TBC1D2: variants seen among roughly 807,000 people sequenced by gnomAD.
The protein encoded by TBC1D2 is TBC1 domain family member 2, also known as TBC1 domain family member 2A.
TBC1D2 carries 58 observed loss-of-function variants against 91.1 expected under a neutral mutation model. The ratio of observed to expected loss-of-function variants is 0.64; its 90% CI spans 0.52 to 0.79. The LOEUF (loss-of-function observed/expected upper bound fraction) is 0.79. Among genes scored for constraint, TBC1D2 ranks in the 30% least tolerant of loss-of-function variants. TBC1D2 has a pLI of 0.00. For synonymous variants in TBC1D2, 482 were observed against 511.5 expected, an observed-to-expected ratio of 0.94 and a Z score of 0.78; for missense variants, 1,080 against 1,208.3, an observed-to-expected ratio of 0.89 and a Z score of 1.57.
At chr9:98,220,112 T>C (rs1166146826) in intron 6 of TBC1D2, among the ~76,000 whole-genome samples, 1 of 151,912 alleles carries the variant, frequency 6.6e-6, no homozygotes, top group African/African-American at 2.4e-5. Context: ...GGAGCAGGGA[T>C]GGTGGCAGCA....
Position 98,213,135 on chromosome 9 carries a change from A to C in TBC1D2, c.1458T>G (p.Ala486=). ...HQVTKIWRKV[A]EKEKALLTKC... ...TCGTCAGAAGGGCCTTCTCCTTCTC[A>C]GCCACCTTTCTCCAGATCTTTGTGA... The change falls in exon 7 of 13, where the codon GCT becomes GCG. Residue 486 remains alanine, a synonymous_variant. Transcript: ENST00000465784. 6.2e-7 allele frequency: 1 copy of C among 1,614,112 alleles called. No homozygotes were observed. Among genetic ancestry groups the C allele is most frequent in the Non-Finnish European group, 8.5e-7 (1 of 1,180,022 alleles).
At position 98,250,688 on chromosome 9, in the gene TBC1D2, T is replaced by C. The variant is rs190599787; in HGVS notation, c.511+1097A>G. The stretch of plus-strand genomic sequence containing the variant: ...CACCCAGGTACAGAGGTCCAGGGGG[T>C]ACTTGGTAACAAGTCCTGCCCTTGC... On this transcript the variant is annotated intron_variant, in intron 2 of 12. Transcript: ENST00000465784. 4.6e-5 allele frequency among the ~76,000 whole-genome samples: 7 copies of C among 152,176 alleles called. No homozygotes were observed. The East Asian group carries it at 1.4e-3, about 29-fold the overall frequency.
chr9:98,212,634 C>T (rs1211802264), intron 7 of TBC1D2, among the ~76,000 whole-genome samples: 3 of 152,192 alleles, frequency 2.0e-5, no homozygotes, highest in Admixed American at 6.5e-5. Flanking sequence ...CCCGGGTGGC[C>T]GGGACTGCAG....
chr9:98,208,667 C>A lies in TBC1D2; in HGVS notation c.2150+1G>T, dbSNP rs772797584. The A allele has an allele frequency of 4.0e-6, 6 of 1,517,272 alleles. No individual in the cohort carries two copies. Among genetic ancestry groups the A allele is most frequent in the South Asian group, 2.6e-5 (2 of 76,230 alleles). The allele number at this position is 1,517,272 out of a possible 1,614,324, so 94.0% of individuals were successfully genotyped here. A position where few individuals can be genotyped will look rare whatever the true frequency, so the allele number is the denominator to read the frequency against. On this transcript the variant is annotated splice_donor_variant, in intron 9 of 12. Coordinates refer to ENST00000465784, the MANE Select transcript of TBC1D2 (RefSeq NM_001267571.2). LOFTEE classifies it high-confidence loss of function. ...ACCTTCACTGGGCTTTGGTGGCTTA[C>A]CTGTTCAGGCCCTGGCAGTAGCCGA...
chr9:98,251,755 G>C, intron 2 of TBC1D2, 30 bp downstream of exon 2: 1 of 1,544,794 alleles, frequency 6.5e-7, no homozygotes, highest in Non-Finnish European at 8.7e-7. Context: ...AGCCCTGGGT[G>C]TGCAGGCAGG....
At chr9:98,203,740 A>G (rs907504831) in intron 9 of TBC1D2, among the ~76,000 whole-genome samples, 1 of 152,064 alleles carries the variant, frequency 6.6e-6, no homozygotes, top group Non-Finnish European at 1.5e-5. Context: ...CATAATAATC[A>G]CAGGACTATT....
rs1829711032 is a variant in TBC1D2, at chr9:98,244,080, G to A, written c.561C>T (p.Pro187=). Residue 187 remains proline (P), a synonymous_variant, in exon 3 of 13, where the codon CCC becomes CCT. Transcript: ENST00000465784. The part of the protein sequence containing the change: ...LEEFLCPVKT[P]PGLVGVAAAL... ...CAGCTGCCACGCCCACTAGCCCAGG[G>A]GGTGTTTTCACAGGGCACAGGAACT... 6.2e-7 allele frequency: 1 copy of A among 1,613,256 alleles called. No individual in the cohort carries two copies. The highest frequency in any genetic ancestry group is 1.7e-5 in the Admixed American group (1 of 59,856).
chr9:98,210,710 A>G lies in TBC1D2; in HGVS notation c.1619T>C (p.Leu540Pro). The G allele has an allele frequency of 6.2e-7, 1 of 1,601,680 alleles. No individual in the cohort carries two copies. The change falls in exon 8 of 13, where the codon CTG becomes CCG. Residue 540 changes from leucine (L) to proline (P), a missense_variant. By Grantham distance (98) the Leu-to-Pro change is moderately conservative. Coordinates refer to ENST00000465784, the MANE Select transcript of TBC1D2 (RefSeq NM_001267571.2). Reference protein sequence around the residue: ...ELLRQLVQEALQWEAGEASSD... With the variant: ...ELLRQLVQEAPQWEAGEASSD... ...TGAGGCCTCCCCAGCTTCCCACTGC[A>G]GTGCCTCCTGGACAAGCTGCCTCAG...
chr9:98,226,903 C>A (rs1564248114), intron 5 of TBC1D2, among the ~76,000 whole-genome samples: 1 of 152,218 alleles, frequency 6.6e-6, no homozygotes, highest in Non-Finnish European at 1.5e-5. Context: ...ATGAGTCCTC[C>A]AGAGATGCAG....
At chr9:98,211,669 T>G (rs1230790131) in intron 7 of TBC1D2, among the ~76,000 whole-genome samples, 2 of 152,106 alleles carry the variant, frequency 1.3e-5, no homozygotes, top group African/African-American at 4.8e-5. Flanking sequence ...GGTCGCCATC[T>G]CCAAACACTT....
chr9:98,235,128 G>A (rs935314948), intron 3 of TBC1D2: 8 of 229,100 alleles, frequency 3.5e-5, no homozygotes, highest in African/African-American at 4.6e-5. Context: ...GCTTGAACCC[G>A]GGAGGCGGAG....
At chr9:98,213,303 A>G (rs951582882) in intron 6 of TBC1D2, 85 bp from the exon 7 acceptor site, 2 of 1,564,096 alleles carry the variant, frequency 1.3e-6, no homozygotes, top group Non-Finnish European at 1.7e-6. Context: ...TGAGCCCCCA[A>G]AGCTTCTTTT....
At chr9:98,241,045 A>G (rs533358205) in intron 3 of TBC1D2, among the ~76,000 whole-genome samples, 1 of 152,318 alleles carries the variant, frequency 6.6e-6, no homozygotes, top group East Asian at 1.9e-4. Flanking sequence ...GGGATGTCAA[A>G]CATATCCATA....
chr9:98,221,040 T>G lies in TBC1D2; in HGVS notation c.1167A>C (p.Thr389=). Residue 389 remains threonine, a synonymous_variant, in exon 6 of 13, where the codon ACA becomes ACC. Coordinates refer to ENST00000465784, the MANE Select transcript of TBC1D2 (RefSeq NM_001267571.2). ...LEQERESLAH[T]ASLREQQVQE... ...GCACCTGCTGCTCCCGCAGGCTCGC[T>G]GTGTGCGCCAGGCTCTCCCGCTCCT... is the stretch of plus-strand genomic sequence containing the variant. 1 of 1,613,650 alleles carries G rather than the reference T, an allele frequency of 6.2e-7. No individual in the cohort carries two copies. Among genetic ancestry groups the G allele is most frequent in the South Asian group, 1.1e-5 (1 of 91,078 alleles).
intron 6 of TBC1D2, among the ~76,000 whole-genome samples, chr9:98,214,948 T>C (rs899532138): frequency 5.9e-5 from 9 of 152,184 alleles, no homozygotes; most frequent in Non-Finnish European, 1.3e-4. Flanking sequence ...TCCCTCGCTG[T>C]GCCAAGGCTG....
At chr9:98,255,044 A>G (rs1254651397) in intron 1 of TBC1D2, 129 bp downstream of exon 1, 13 of 1,454,842 alleles carry the variant, frequency 8.9e-6, no homozygotes, top group Non-Finnish European at 1.2e-5. Context: ...TGCAAAGCAC[A>G]AAGTTCTTGG....
chr9:98,213,417 G>T, intron 6 of TBC1D2, 199 bp from the exon 7 acceptor site: 1 of 1,383,514 alleles, frequency 7.2e-7, no homozygotes. Context: ...ATGTGGTAAA[G>T]GGACCAGTAG....
At chr9:98,231,707 T>C (rs58811309) in intron 4 of TBC1D2, among the ~76,000 whole-genome samples, 7,434 of 152,280 alleles carry the variant, frequency 0.049, 371 homozygotes, top group African/African-American at 0.13. Context: ...TCTGTGGCCG[T>C]GAGCAAGTCA....
intron 3 of TBC1D2, among the ~76,000 whole-genome samples, chr9:98,236,899 G>A (rs73657125): frequency 0.016 from 2,371 of 151,056 alleles, 58 homozygotes; most frequent in African/African-American, 0.055. Context: ...ACTAAGGCAT[G>A]CTTTGTATCT....
Sources: allele counts gnomAD v4.1 joint callset (sites outside exome capture counted in the v4.1 genomes callset), GRCh38; gene constraint gnomAD v4.1.1; transcripts MANE v1.5; gene names NCBI Gene and HGNC (gene_info 2026-07-23, HGNC 2026-07-21).